Variants in TGFBR3 observed in about 807,000 individuals in gnomAD.
TGFBR3 encodes the protein transforming growth factor beta receptor 3, also known as transforming growth factor beta receptor type 3.
A neutral mutation model predicts 87.9 loss-of-function variants in TGFBR3; 46 were observed. The observed-to-expected ratio is 0.52, with a 90% CI of 0.41 to 0.67. The LOEUF is 0.67. Ranked by LOEUF, TGFBR3 falls within the 30% of genes least tolerant of loss-of-function variation. The pLI is 0.00. For synonymous variants in TGFBR3, 381 were observed against 391.6 expected, an observed-to-expected ratio of 0.97 and a Z score of 0.32; for missense variants, 866 against 1,041.9, an observed-to-expected ratio of 0.83 and a Z score of 2.32.
chr1:91,789,337 A>C (rs1405490360), intron 3 of TGFBR3, among the ~76,000 whole-genome samples: 1 of 152,168 alleles, frequency 6.6e-6, no homozygotes, highest in Non-Finnish European at 1.5e-5. Flanking sequence ...GGCAGTCTCT[A>C]TCTGGGGGAA....
At chr1:91,779,319 C>T (rs1162337756) in intron 3 of TGFBR3, among the ~76,000 whole-genome samples, 2 of 152,172 alleles carry the variant, frequency 1.3e-5, no homozygotes, top group African/African-American at 4.8e-5. Context: ...ATTATTTAAT[C>T]GTCACAGCAA....
At chr1:91,823,186 C>CA (rs17883609) in intron 2 of TGFBR3, among the ~76,000 whole-genome samples, 4,041 of 151,622 alleles carry the variant, frequency 0.027, 69 homozygotes, top group Non-Finnish European at 0.042. Flanking sequence ...TGAGAAGGGT[C>CA]AAAAAAAGGC....
In TGFBR3 at chr1:91,748,722, GTATTATTAT is replaced by G. The variant is rs56351917; in HGVS notation, c.384+9882_384+9890del. Among the ~76,000 whole-genome samples, 7 of 148,598 alleles carry G rather than the reference GTATTATTAT, an allele frequency of 4.7e-5. No homozygotes were observed. In the South Asian group the frequency reaches 8.8e-4, roughly 19 times the overall value. On this transcript the variant is annotated intron_variant, in intron 4 of 16. Coordinates refer to ENST00000212355, the MANE Select transcript of TGFBR3 (RefSeq NM_003243.5). Reference sequence around the variant, plus strand: ...AGGTCCCCATTTACCATTCTGGAAAGTATTATTATTATTATTATTATTATTATTATTGCT... The same window carrying G: ...AGGTCCCCATTTACCATTCTGGAAAGTATTATTATTATTATTATTATTGCT...
At chr1:91,714,892 G>C (rs908906704) in intron 12 of TGFBR3, among the ~76,000 whole-genome samples, 2 of 152,232 alleles carry the variant, frequency 1.3e-5, no homozygotes, top group African/African-American at 4.8e-5. Context: ...CTCTCAGAAT[G>C]GGGGAGGGGC....
chr1:91,703,939 A>T (rs1475738396), intron 14 of TGFBR3, among the ~76,000 whole-genome samples: 1 of 152,238 alleles, frequency 6.6e-6, no homozygotes, highest in Non-Finnish European at 1.5e-5. Flanking sequence ...TTGGGTGAAC[A>T]GACATTTTTC....
intron 2 of TGFBR3, among the ~76,000 whole-genome samples, chr1:91,822,921 C>A (rs941981603): frequency 2.0e-5 from 3 of 152,056 alleles, no homozygotes; most frequent in Non-Finnish European, 2.9e-5. Context: ...ACTAGATAGA[C>A]CCTGTCTCAA....
chr1:91,888,792 A>G (rs1679386931), upstream of TGFBR3, among the ~76,000 whole-genome samples: 1 of 152,240 alleles, frequency 6.6e-6, no homozygotes, highest in South Asian at 2.1e-4. Context: ...TTGTCTTTAA[A>G]GAGTGATGAA....
chr1:91,720,215 T>C lies in TGFBR3; in HGVS notation c.1091A>G (p.Asp364Gly). 6.3e-7 allele frequency: 1 copy of C among 1,597,926 alleles called. No homozygotes were observed. The highest frequency in any genetic ancestry group is 1.1e-5 in the South Asian group (1 of 89,426). ...AGGAGGAATAGTGTGGACTTCCTCA[T>C]CTCCCATCTCCTCTGCTGGTGAAAG... ...RLENNAEEMG[D>G]EEVHTIPPEL... The change falls in exon 9 of 17, where the codon GAT (aspartate) becomes GGT (glycine). Residue 364 changes from aspartate to glycine, a missense_variant. By Grantham distance (94) the Asp-to-Gly change is moderately conservative. Transcript: ENST00000212355.
At chr1:91,764,748 G>A (rs6670338) in intron 3 of TGFBR3, among the ~76,000 whole-genome samples, 37,261 of 152,090 alleles carry the variant, frequency 0.24, 4,785 homozygotes, top group East Asian at 0.48. Flanking sequence ...GGGGTACTGT[G>A]TACATCACTA....
chr1:91,779,136 A>C (rs1054224274), intron 3 of TGFBR3, among the ~76,000 whole-genome samples: 1 of 152,168 alleles, frequency 6.6e-6, no homozygotes. Context: ...AAATGTAAAA[A>C]ACCATGGCAG....
At chr1:91,801,891 G>A (rs1003514218) in intron 2 of TGFBR3, among the ~76,000 whole-genome samples, 5 of 152,186 alleles carry the variant, frequency 3.3e-5, no homozygotes, top group African/African-American at 1.2e-4. Flanking sequence ...CTTCCCGCTA[G>A]GAATTTTATC....
chr1:91,793,730 C>T (rs1196599485), intron 3 of TGFBR3, among the ~76,000 whole-genome samples: 2 of 146,854 alleles, frequency 1.4e-5, no homozygotes, highest in Non-Finnish European at 3.0e-5. Flanking sequence ...TGCTTGAACC[C>T]GGGAGGTGGA....
intron 1 of TGFBR3, among the ~76,000 whole-genome samples, chr1:91,869,114 G>C (rs1678488984): frequency 6.6e-6 from 1 of 152,098 alleles, no homozygotes; most frequent in South Asian, 2.1e-4. Context: ...AACATCTTCA[G>C]GTCTCAGCAA....
intron 3 of TGFBR3, among the ~76,000 whole-genome samples, chr1:91,778,919 C>T (rs1026304984): frequency 1.3e-5 from 2 of 152,054 alleles, no homozygotes; most frequent in African/African-American, 4.8e-5. Context: ...GAAGGCCTCT[C>T]AGTGGAGGTA....
upstream of TGFBR3, among the ~76,000 whole-genome samples, chr1:91,886,727 G>A (rs780668123): frequency 6.6e-6 from 1 of 152,118 alleles, no homozygotes; most frequent in Non-Finnish European, 1.5e-5. Context: ...GTCACGCTCT[G>A]ATGGTGGGCG....
chr1:91,772,284 C>CT (rs1674406845), intron 3 of TGFBR3, among the ~76,000 whole-genome samples: 1 of 152,114 alleles, frequency 6.6e-6, no homozygotes, highest in African/African-American at 2.4e-5. Context: ...CATTACCTGA[C>CT]TTACTTGCCC....
chr1:91,881,734 G>T (rs1300060658), intron 1 of TGFBR3, among the ~76,000 whole-genome samples: 1 of 152,104 alleles, frequency 6.6e-6, no homozygotes, highest in Non-Finnish European at 1.5e-5. Flanking sequence ...TGAAATAAAG[G>T]TAAATCAATA....
intron 3 of TGFBR3, among the ~76,000 whole-genome samples, chr1:91,780,482 T>C (rs574458870): frequency 3.8e-4 from 57 of 151,820 alleles, no homozygotes; most frequent in Non-Finnish European, 6.0e-4. Flanking sequence ...ATGGGGCATA[T>C]TTATGAGACA....
intron 2 of TGFBR3, among the ~76,000 whole-genome samples, chr1:91,859,908 C>CAAA (rs544117317): frequency 2.3e-5 from 2 of 85,586 alleles, no homozygotes; most frequent in African/African-American, 4.4e-5. Context: ...GACTCCATCT[C>CAAA]AAAAAAAAAA....
Sources: gnomAD v4.1 joint callset for allele counts (sites outside exome capture counted in the v4.1 genomes callset) on GRCh38, gnomAD v4.1.1 for gene constraint, MANE v1.5 for transcripts, NCBI Gene and HGNC (gene_info 2026-07-23, HGNC 2026-07-21) for gene names.